CAMTA1: variants seen among roughly 807,000 people sequenced by gnomAD.
CAMTA1 encodes the protein calmodulin-binding transcription activator 1.
A neutral mutation model predicts 170.9 loss-of-function variants in CAMTA1; 27 were observed. The ratio of observed to expected loss-of-function variants is 0.16; its 90% CI spans 0.12 to 0.22. The LOEUF (loss-of-function observed/expected upper bound fraction) is 0.22. Ranked by LOEUF, CAMTA1 falls within the 10% of genes least tolerant of loss-of-function variation. The pLI, the probability that CAMTA1 is intolerant of heterozygous loss-of-function variation, is 1.00. For missense variants in CAMTA1, 1,619 were observed against 2,217.2 expected, an observed-to-expected ratio of 0.73 and a Z score of 5.42; for synonymous variants, 833 against 891.5, an observed-to-expected ratio of 0.93 and a Z score of 1.17.
At chr1:7,375,447 A>G (rs533190355) in intron 5 of CAMTA1, among the ~76,000 whole-genome samples, 2 of 152,284 alleles carry the variant, frequency 1.3e-5, no homozygotes, top group East Asian at 1.9e-4. Context: ...AATTGTTGCT[A>G]TGGCAACTGG....
chr1:7,409,286 ACTT>A (rs559155785), intron 5 of CAMTA1, among the ~76,000 whole-genome samples: 4 of 152,132 alleles, frequency 2.6e-5, no homozygotes, highest in Non-Finnish European at 5.9e-5. Flanking sequence ...TTGTCCGAAT[ACTT>A]CTTCTTGGAG....
intron 7 of CAMTA1, among the ~76,000 whole-genome samples, chr1:7,655,336 C>T (rs2095887623): frequency 1.4e-5 from 2 of 138,588 alleles, no homozygotes; most frequent in African/African-American, 2.7e-5. Flanking sequence ...ACACACAAAC[C>T]CACCTATACA....
intron 6 of CAMTA1, among the ~76,000 whole-genome samples, chr1:7,586,509 C>T (rs1329702002): frequency 2.0e-5 from 3 of 152,226 alleles, no homozygotes; most frequent in East Asian, 1.9e-4. Flanking sequence ...GTGACTTGGG[C>T]GCCCAGGCCA....
intron 3 of CAMTA1, among the ~76,000 whole-genome samples, chr1:6,859,002 A>C (rs1287541986): frequency 6.6e-6 from 1 of 152,226 alleles, no homozygotes; most frequent in Admixed American, 6.5e-5. Context: ...AAATTATCTT[A>C]TTATATTTTA....
chr1:7,124,610 A>T (rs894696908), intron 4 of CAMTA1, among the ~76,000 whole-genome samples: 2 of 152,192 alleles, frequency 1.3e-5, no homozygotes, highest in African/African-American at 4.8e-5. Context: ...TATATTCCAG[A>T]TGGGGGATGC....
chr1:7,512,478 G>A (rs555042229), intron 6 of CAMTA1, among the ~76,000 whole-genome samples: 37 of 152,318 alleles, frequency 2.4e-4, no homozygotes, highest in South Asian at 6.2e-4. Flanking sequence ...TGACAGGACC[G>A]CATAGTTATT....
intron 5 of CAMTA1, among the ~76,000 whole-genome samples, chr1:7,379,921 C>T (rs911016569): frequency 3.3e-5 from 5 of 152,186 alleles, no homozygotes; most frequent in Admixed American, 6.5e-5. Flanking sequence ...CTTGAGGCTG[C>T]GGCCAGGCAG....
intron 4 of CAMTA1, among the ~76,000 whole-genome samples, chr1:7,117,510 T>A (rs915343158): frequency 2.0e-5 from 3 of 152,070 alleles, no homozygotes; most frequent in African/African-American, 7.2e-5. Flanking sequence ...CACTTACCAG[T>A]TTCCATGGGG....
intron 3 of CAMTA1, among the ~76,000 whole-genome samples, chr1:6,899,924 GAT>G (rs1267761003): frequency 6.6e-6 from 1 of 152,176 alleles, no homozygotes; most frequent in Non-Finnish European, 1.5e-5. Flanking sequence ...AGCATCTTTG[GAT>G]TTTACATTGC....
intron 6 of CAMTA1, among the ~76,000 whole-genome samples, chr1:7,478,636 C>T (rs1482331453): frequency 1.3e-5 from 2 of 152,208 alleles, no homozygotes; most frequent in African/African-American, 4.8e-5. Flanking sequence ...GCCTCCACAG[C>T]GTGTGCTGTC....
chr1:7,571,133 C>T (rs1557936161), intron 6 of CAMTA1, among the ~76,000 whole-genome samples: 1 of 152,208 alleles, frequency 6.6e-6, no homozygotes, highest in Non-Finnish European at 1.5e-5. Flanking sequence ...AGCTTTCAAA[C>T]CAAACTTTAT....
chr1:7,695,169 G>A (rs1235038132), intron 11 of CAMTA1, among the ~76,000 whole-genome samples: 2 of 152,120 alleles, frequency 1.3e-5, no homozygotes, highest in Non-Finnish European at 2.9e-5. Context: ...CAGAAATGCT[G>A]CAGACACAGC....
chr1:7,064,169 CCTT>C lies in CAMTA1; in HGVS notation c.235-27126_235-27124del, dbSNP rs772248498. 1.8e-4 allele frequency among the ~76,000 whole-genome samples: 27 copies of C among 151,486 alleles called. No homozygotes were observed. Among genetic ancestry groups the C allele is most frequent in the Non-Finnish European group, 3.1e-4 (21 of 67,790 alleles). On this transcript the variant is annotated intron_variant, in intron 3 of 22. Coordinates refer to ENST00000303635, the MANE Select transcript of CAMTA1 (RefSeq NM_015215.4). This position sits in a 1 kb window ranked among gnomAD's most constrained non-coding sequence, Gnocchi z 5.4. ...TCTCTTCTTCCCTCCTCCTCCTCTT[CCTT>C]CTTCTTCTCCTCCTCCTCCTCTTCT...
chr1:7,751,420 A>C (rs895772069), intron 20 of CAMTA1, 28 bp downstream of exon 20: 11 of 1,544,692 alleles, frequency 7.1e-6, no homozygotes, highest in Non-Finnish European at 9.6e-6. Flanking sequence ...CATGGAGGTA[A>C]AGCTCCCTAG....
chr1:7,115,757 A>G (rs1644297003), intron 4 of CAMTA1, among the ~76,000 whole-genome samples: 1 of 152,106 alleles, frequency 6.6e-6, no homozygotes, highest in Non-Finnish European at 1.5e-5. Context: ...ACCCAGAAAG[A>G]GTCAAGTTTA....
intron 6 of CAMTA1, among the ~76,000 whole-genome samples, chr1:7,606,077 A>T (rs1163433698): frequency 6.6e-6 from 1 of 152,198 alleles, no homozygotes; most frequent in East Asian, 1.9e-4. Flanking sequence ...CCCTGAGCAG[A>T]GAATAAAGAG....
At chr1:7,020,772 G>T (rs1319713765) in intron 3 of CAMTA1, among the ~76,000 whole-genome samples, 1 of 152,222 alleles carries the variant, frequency 6.6e-6, no homozygotes, top group Non-Finnish European at 1.5e-5. Flanking sequence ...GACAGAGCTG[G>T]AGAGGGACCA....
At chr1:7,647,711 C>CTGAGAT (rs2095818679) in intron 7 of CAMTA1, among the ~76,000 whole-genome samples, 1 of 152,180 alleles carries the variant, frequency 6.6e-6, no homozygotes, top group Non-Finnish European at 1.5e-5. Flanking sequence ...TGGCTGGGGA[C>CTGAGAT]GGCGGGCTGG....
At chr1:7,468,305 C>G (rs532803186) in intron 6 of CAMTA1, among the ~76,000 whole-genome samples, 1 of 152,216 alleles carries the variant, frequency 6.6e-6, no homozygotes, top group African/African-American at 2.4e-5. Flanking sequence ...AACAGGCTCC[C>G]GGAGGTTGCC....
Sources: gnomAD v4.1 joint callset for allele counts (sites outside exome capture counted in the v4.1 genomes callset) on GRCh38, gnomAD v4.1.1 for gene constraint, Gnocchi (gnomAD v3.1) non-coding constraint, MANE v1.5 for transcripts, NCBI Gene and HGNC (gene_info 2026-07-23, HGNC 2026-07-21) for gene names.